NRXN1: variants seen among roughly 807,000 people sequenced by gnomAD.
NRXN1 encodes neurexin 1, also known as neurexin-1.
NRXN1 carries 39 observed loss-of-function variants against 150.9 expected under a neutral mutation model. That is an observed-to-expected ratio of 0.26 (90% CI 0.20 to 0.34). The LOEUF (loss-of-function observed/expected upper bound fraction) is 0.34, where lower values mean the gene tolerates loss of function less well. Ranked by LOEUF, NRXN1 falls within the 10% of genes least tolerant of loss-of-function variation. The probability of loss-of-function intolerance (pLI) is 1.00; values close to 1 mark genes in which losing one functional copy is unlikely to be tolerated. For synonymous variants in NRXN1, 924 were observed against 757.0 expected (o/e 1.22, Z -3.62); for missense variants, 1,815 against 1,949.9 (o/e 0.93, Z 1.30).
chr2:50,655,593 C>A (rs1167748469), intron 5 of NRXN1, among the ~76,000 whole-genome samples: 1 of 151,470 alleles, frequency 6.6e-6, no homozygotes, highest in Non-Finnish European at 1.5e-5. Context: ...CTACATCTGG[C>A]ATTTTGGTAG....
At chr2:50,827,645 T>G (rs1670642380) in intron 5 of NRXN1, among the ~76,000 whole-genome samples, 1 of 152,218 alleles carries the variant, frequency 6.6e-6, no homozygotes, top group Non-Finnish European at 1.5e-5. Context: ...CTTGGATGTT[T>G]CTCACAGAGG....
chr2:50,623,687 CAAT>C, intron 5 of NRXN1, 72 bp from the exon 6 acceptor site: 3 of 1,080,102 alleles, frequency 2.8e-6, no homozygotes, highest in Non-Finnish European at 4.0e-6. Context: ...TTAACAGAAA[CAAT>C]AGCTAATCAC....
At chr2:50,586,073 C>A (rs1310139550) in intron 8 of NRXN1, among the ~76,000 whole-genome samples, 1 of 152,180 alleles carries the variant, frequency 6.6e-6, no homozygotes, top group Non-Finnish European at 1.5e-5. Flanking sequence ...CCCACTCTTA[C>A]CTCGCTGATA....
intron 18 of NRXN1, among the ~76,000 whole-genome samples, chr2:50,126,954 C>T (rs773649475): frequency 7.2e-5 from 11 of 152,134 alleles, no homozygotes; most frequent in Non-Finnish European, 1.3e-4. Context: ...TCCCAATAAA[C>T]CTGGAGCTTT....
At chr2:50,261,302 T>C (rs1458538946) in intron 17 of NRXN1, among the ~76,000 whole-genome samples, 4 of 151,834 alleles carry the variant, frequency 2.6e-5, no homozygotes, top group African/African-American at 9.7e-5. Flanking sequence ...TTAATTATTT[T>C]TCCCAGACTT....
At chr2:50,045,939 G>T (rs1691734023) in intron 21 of NRXN1, among the ~76,000 whole-genome samples, 1 of 152,162 alleles carries the variant, frequency 6.6e-6, no homozygotes, top group Admixed American at 6.5e-5. Context: ...AGTACTTGAA[G>T]TTTTTCATTC....
At chr2:50,504,469 G>T (rs2092120324) in intron 13 of NRXN1, among the ~76,000 whole-genome samples, 1 of 152,032 alleles carries the variant, frequency 6.6e-6, no homozygotes, top group Non-Finnish European at 1.5e-5. Flanking sequence ...AGACAAACTG[G>T]CTTAAATGTT....
At chr2:50,634,108 G>A (rs1030879594) in intron 5 of NRXN1, among the ~76,000 whole-genome samples, 3 of 152,196 alleles carry the variant, frequency 2.0e-5, no homozygotes, top group Non-Finnish European at 4.4e-5. Flanking sequence ...TGTCATGTAA[G>A]TCCTTCTAAA....
At chr2:50,157,552 G>A (rs1435159136) in intron 18 of NRXN1, among the ~76,000 whole-genome samples, 2 of 151,982 alleles carry the variant, frequency 1.3e-5, no homozygotes, top group Non-Finnish European at 2.9e-5. Context: ...CTCAGAGGCA[G>A]ATGCTGAATA....
At chr2:50,540,788 A>G (rs923863473) in intron 9 of NRXN1, among the ~76,000 whole-genome samples, 3 of 152,086 alleles carry the variant, frequency 2.0e-5, no homozygotes, top group Admixed American at 6.5e-5. Flanking sequence ...CAGCCTCCCA[A>G]GTAGCTGGGA....
At chr2:50,406,858 C>T (rs535302037) in intron 17 of NRXN1, among the ~76,000 whole-genome samples, 105 of 152,236 alleles carry the variant, frequency 6.9e-4, no homozygotes, top group African/African-American at 2.5e-3. Flanking sequence ...ACTTCAAATG[C>T]AATTTAATCT....
At position 50,053,561 on chromosome 2, in the gene NRXN1, C is replaced by A. The variant is rs758023224; in HGVS notation, c.3838G>T (p.Ala1280Ser). 3.7e-6 allele frequency: 6 copies of A among 1,613,904 alleles called. No individual in the cohort carries two copies. The highest frequency in any genetic ancestry group is 4.2e-6 in the Non-Finnish European group (5 of 1,179,928). The change falls in exon 21 of 23, where the codon GCA becomes TCA. Residue 1280 changes from alanine (A) to serine (S), a missense_variant. Physicochemically the swap from Ala to Ser is moderately conservative, Grantham distance 99 (BLOSUM62 1). Coordinates refer to ENST00000401669, the MANE Select transcript of NRXN1 (RefSeq NM_001330078.2). Reference sequence around the variant, plus strand: ...TCTTTCCCGCCAATTATTATGGTTGCTTGGCTATTGAAGATTGTGAGCTGA... The same window carrying A: ...TCTTTCCCGCCAATTATTATGGTTGATTGGCTATTGAAGATTGTGAGCTGA... ...GRQLTIFNSQ[A>S]TIIIGGKEQG... is the part of the protein sequence containing the mutation.
chr2:50,379,662 C>T (rs1447903827), intron 17 of NRXN1, among the ~76,000 whole-genome samples: 1 of 151,914 alleles, frequency 6.6e-6, no homozygotes, highest in African/African-American at 2.4e-5. Context: ...CTGATTAAGG[C>T]AATACGTACC....
intron 5 of NRXN1, among the ~76,000 whole-genome samples, chr2:50,643,269 A>C (rs1013979522): frequency 7.9e-5 from 12 of 151,930 alleles, no homozygotes; most frequent in African/African-American, 2.9e-4. Context: ...AGGCTATTTA[A>C]ACATTCCAAT....
chr2:50,116,147 C>G (rs1164830328), intron 18 of NRXN1, among the ~76,000 whole-genome samples: 1 of 150,054 alleles, frequency 6.7e-6, no homozygotes, highest in East Asian at 1.9e-4. Flanking sequence ...GCACCTATAG[C>G]CGGAGTTTTT....
intron 2 of NRXN1, among the ~76,000 whole-genome samples, chr2:50,977,679 G>C (rs1232240495): frequency 6.6e-6 from 1 of 151,830 alleles, no homozygotes. Flanking sequence ...TAGACTCTAA[G>C]TCAGAGTATG....
chr2:50,303,925 G>GA (rs2074384350), intron 17 of NRXN1, among the ~76,000 whole-genome samples: 2 of 94,018 alleles, frequency 2.1e-5, no homozygotes, highest in African/African-American at 9.3e-5. Flanking sequence ...GTCTTCTGTG[G>GA]CAAAAAAATA....
intron 17 of NRXN1, among the ~76,000 whole-genome samples, chr2:50,433,730 G>A (rs1003663884): frequency 3.3e-5 from 5 of 150,488 alleles, no homozygotes; most frequent in African/African-American, 1.2e-4. Context: ...GGGAGGGAGG[G>A]AAGGTGGAAG....
At chr2:50,969,909 T>C (rs1464830756) in intron 2 of NRXN1, among the ~76,000 whole-genome samples, 2 of 152,190 alleles carry the variant, frequency 1.3e-5, no homozygotes, top group Admixed American at 6.5e-5. Context: ...TCCACTTTTA[T>C]GCTTATGTTC....
Sources: allele counts gnomAD v4.1 joint callset (sites outside exome capture counted in the v4.1 genomes callset), GRCh38; gene constraint gnomAD v4.1.1; transcripts MANE v1.5; gene names NCBI Gene and HGNC (gene_info 2026-07-23, HGNC 2026-07-21).